The following SYNE1 variants were observed in gnomAD, a reference collection of about 807,000 sequenced individuals.
SYNE1 encodes spectrin repeat containing nuclear envelope protein 1.
In SYNE1, 616 loss-of-function variants were observed where a neutral mutation model predicts 1,111.0. That is an observed-to-expected ratio of 0.55 (90% CI 0.52 to 0.59). The LOEUF (loss-of-function observed/expected upper bound fraction) is 0.59. SYNE1 is among the 20% of genes least tolerant of loss of function. The pLI, the probability that SYNE1 is intolerant of heterozygous loss-of-function variation, is 0.00. For missense variants in SYNE1, 10,006 were observed against 10,417.0 expected, an observed-to-expected ratio of 0.96 and a Z score of 1.72; for synonymous variants, 3,855 against 3,825.8, an observed-to-expected ratio of 1.01 and a Z score of -0.28.
At chr6:152,253,436 A>G (rs1046918274) in intron 104 of SYNE1, among the ~76,000 whole-genome samples, 5 of 152,270 alleles carry the variant, frequency 3.3e-5, no homozygotes, top group Non-Finnish European at 4.4e-5. Context: ...ACCACAGTCT[A>G]TGAGGCAGTT....
intron 137 of SYNE1, chr6:152,144,962 T>TA (rs2059210662): frequency 6.0e-6 from 1 of 166,978 alleles, no homozygotes; most frequent in Admixed American, 5.5e-5. Context: ...TACGACCTCT[T>TA]AAATTAAAAT....
At position 152,441,249 on chromosome 6, in the gene SYNE1, G is replaced by T. The variant is rs751517332; in HGVS notation, c.4030C>A (p.Arg1344=). ...ACTGTTTCTTTGTTTGTTTCAAATC[G>T]CTCCCATTTTCTTAATGTGACCTAA... ...RIQVTLRKWE[R]FETNKETVVR... is the part of the protein sequence containing the mutation. The change falls in exon 32 of 146, where the codon CGA becomes AGA. Residue 1344 remains arginine, a synonymous_variant. Transcript: ENST00000367255. The T allele has an allele frequency of 6.2e-7, 1 of 1,609,154 alleles. No homozygotes were observed. Among genetic ancestry groups the T allele is most frequent in the Admixed American group, 1.7e-5 (1 of 59,544 alleles).
chr6:152,513,006 G>A (rs750547250), intron 6 of SYNE1, among the ~76,000 whole-genome samples: 2 of 152,118 alleles, frequency 1.3e-5, no homozygotes, highest in East Asian at 1.9e-4. Context: ...CAGCAAGCAC[G>A]TCACCTGGAA....
At chr6:152,486,684 G>T (rs780125529) in intron 12 of SYNE1, among the ~76,000 whole-genome samples, 4 of 152,170 alleles carry the variant, frequency 2.6e-5, no homozygotes, top group Admixed American at 6.5e-5. Context: ...GGGGAAAAAA[G>T]CTTACACTGA....
At chr6:152,145,820 T>C in intron 137 of SYNE1, 1 of 405,548 alleles carries the variant, frequency 2.5e-6, no homozygotes, top group South Asian at 2.1e-5. Context: ...AGGTCAGGAA[T>C]TCGAGACCAG....
Position 152,325,104 on chromosome 6 carries a change from A to G in SYNE1, c.15637T>C (p.Trp5213Arg), listed in dbSNP as rs775534988. Residue 5213 changes from tryptophan (W) to arginine (R), a missense_variant, in exon 81 of 146, where the codon TGG becomes CGG. Physicochemically the swap from Trp to Arg is moderately radical, Grantham distance 101 (BLOSUM62 -3). This residue lies in a region of SYNE1 where 4,955 missense variants were observed against 5,017.2 expected (regional missense o/e 0.99). Transcript: ENST00000367255. The part of the protein sequence containing the change: ...EKILEDAVDE[W>R]TGFNNKVKKA... ...ACTACCTTGTTGTTAAAGCCCGTCC[A>G]CTCATCCACTGCATCTTCCAGGATC... 17 of 1,614,124 alleles carry G rather than the reference A, an allele frequency of 1.1e-5. No individual in the cohort carries two copies. Among genetic ancestry groups the G allele is most frequent in the Non-Finnish European group, 1.4e-5 (17 of 1,180,030 alleles).
chr6:152,156,228 T>C (rs1291077013), intron 131 of SYNE1, 131 bp from the exon 132 acceptor site: 1 of 972,288 alleles, frequency 1.0e-6, no homozygotes, highest in African/African-American at 1.6e-5. Flanking sequence ...TGTATGACAT[T>C]TATTGAGCCT....
intron 89 of SYNE1, 74 bp from the exon 90 acceptor site, chr6:152,310,091 A>G (rs2095501331): frequency 8.0e-6 from 12 of 1,493,890 alleles, no homozygotes; most frequent in Non-Finnish European, 1.1e-5. Context: ...GCACTAAATT[A>G]TAGTTACGTT....
At chr6:152,544,947 T>C (rs946538560) in intron 3 of SYNE1, among the ~76,000 whole-genome samples, 3 of 152,194 alleles carry the variant, frequency 2.0e-5, no homozygotes, top group Non-Finnish European at 4.4e-5. Context: ...ATAACAAATG[T>C]ACCAACTAAT....
At chr6:152,441,296 A>C (rs1434132286) in intron 31 of SYNE1, 26 bp from the exon 32 acceptor site, 1 of 1,592,780 alleles carries the variant, frequency 6.3e-7, no homozygotes, top group Non-Finnish European at 8.6e-7. Flanking sequence ...TAAACAACAA[A>C]TGGGTTACAA....
Position 152,232,325 on chromosome 6 carries a change from T to G in SYNE1, c.20713-60A>C, listed in dbSNP as rs1329925902. On this transcript the variant is annotated intron_variant, in intron 112 of 145. Coordinates refer to ENST00000367255, the MANE Select transcript of SYNE1 (RefSeq NM_182961.4). Reference sequence around the variant, plus strand: ...TTAAAATGGAAACCCCAACTTCTGCTAACTTAAAAACCCTACAATAATTCT... The same window carrying G: ...TTAAAATGGAAACCCCAACTTCTGCGAACTTAAAAACCCTACAATAATTCT... 4 of 1,566,086 alleles carry G rather than the reference T, an allele frequency of 2.6e-6. No individual in the cohort carries two copies. In the East Asian group the frequency reaches 9.0e-5, roughly 35 times the overall value.
At chr6:152,390,566 T>C in intron 52 of SYNE1, 114 bp from the exon 53 acceptor site, 1 of 1,087,552 alleles carries the variant, frequency 9.2e-7, no homozygotes, top group Non-Finnish European at 1.3e-6. Context: ...TACCTTAAAA[T>C]GAAAACAACA....
chr6:152,337,840 T>C (rs1370532449), intron 75 of SYNE1, among the ~76,000 whole-genome samples: 2 of 152,220 alleles, frequency 1.3e-5, no homozygotes, highest in Non-Finnish European at 2.9e-5. Flanking sequence ...AATAAATCAT[T>C]TCTGTAAAAA....
At chr6:152,362,874 T>A (rs2096957653) in intron 63 of SYNE1, among the ~76,000 whole-genome samples, 2 of 151,944 alleles carry the variant, frequency 1.3e-5, no homozygotes, top group South Asian at 4.1e-4. Context: ...CTTGTCTCAA[T>A]ACACATGCTA....
chr6:152,354,585 A>G (rs1358022825), intron 67 of SYNE1, 74 bp downstream of exon 67: 5 of 1,574,420 alleles, frequency 3.2e-6, no homozygotes, highest in Non-Finnish European at 4.4e-6. Context: ...AAAAGTTACT[A>G]AATATCTTAA....
intron 130 of SYNE1, among the ~76,000 whole-genome samples, chr6:152,170,520 G>C (rs546286390): frequency 2.6e-5 from 4 of 152,330 alleles, no homozygotes; most frequent in Admixed American, 2.0e-4. Flanking sequence ...GTTCTGTGCT[G>C]TTTCTGTGCT....
At chr6:152,599,136 C>G (rs543283467) in intron 3 of SYNE1, among the ~76,000 whole-genome samples, 6 of 152,118 alleles carry the variant, frequency 3.9e-5, no homozygotes, top group Non-Finnish European at 7.4e-5. Flanking sequence ...GAAAAATTAT[C>G]GTTCTGAATG....
Position 152,447,639 on chromosome 6 carries a change from C to T in SYNE1, c.3505-17G>A, listed in dbSNP as rs1477711144. 4 of 1,614,100 alleles carry T rather than the reference C, an allele frequency of 2.5e-6. No homozygotes were observed. The highest frequency in any genetic ancestry group is 3.4e-6 in the Non-Finnish European group (4 of 1,179,984). On this transcript the variant is annotated splice_polypyrimidine_tract_variant and intron_variant, in intron 28 of 145. Coordinates refer to ENST00000367255, the MANE Select transcript of SYNE1 (RefSeq NM_182961.4). Reference sequence around the variant, plus strand: ...TCTGATCTCCTGAAATGAGAGAACACTTTTGATGAACACAGTGCAATTGTG... The same window carrying T: ...TCTGATCTCCTGAAATGAGAGAACATTTTTGATGAACACAGTGCAATTGTG...
intron 87 of SYNE1, chr6:152,315,097 A>T (rs2153882683): frequency 6.6e-6 from 1 of 151,456 alleles, no homozygotes; most frequent in South Asian, 2.1e-4. Context: ...TTTTCTTTAA[A>T]CTTTCACTAC....
Sources: gnomAD v4.1 joint callset for allele counts (sites outside exome capture counted in the v4.1 genomes callset) on GRCh38, gnomAD v4.1.1 for gene constraint, gnomAD v4.1.1 regional missense constraint, MANE v1.5 for transcripts, NCBI Gene and HGNC (gene_info 2026-07-23, HGNC 2026-07-21) for gene names.